The following CTNNB1 variants were observed in gnomAD, a reference collection of about 807,000 sequenced individuals.
CTNNB1 encodes the protein catenin beta 1.
CTNNB1 carries 6 observed loss-of-function variants against 82.5 expected under a neutral mutation model. The observed-to-expected ratio is 0.07, with a 90% CI of 0.04 to 0.14. CTNNB1 has a LOEUF of 0.14. Among genes scored for constraint, CTNNB1 ranks in the 10% least tolerant of loss-of-function variants. The pLI is 1.00. For synonymous variants in CTNNB1, 312 were observed against 329.7 expected (o/e 0.95, Z 0.58); for missense variants, 529 against 980.4 (o/e 0.54, Z 6.15).
intron 1 of CTNNB1, among the ~76,000 whole-genome samples, chr3:41,214,540 T>C (rs1362345994): frequency 6.6e-6 from 1 of 152,208 alleles, no homozygotes; most frequent in Non-Finnish European, 1.5e-5. Flanking sequence ...AGCTTCTTGT[T>C]TTGAAGATAC....
chr3:41,234,061 G>T, intron 9 of CTNNB1, 78 bp from the exon 10 acceptor site: 2 of 1,582,664 alleles, frequency 1.3e-6, no homozygotes, highest in Non-Finnish European at 1.7e-6. Context: ...GATACCAATA[G>T]ATTTAGTGTG....
At chr3:41,238,534 C>T (rs2078493960) in intron 14 of CTNNB1, 1 of 194,510 alleles carries the variant, frequency 5.1e-6, no homozygotes, top group Non-Finnish European at 1.1e-5. Flanking sequence ...TGGCATAGAC[C>T]ACTAACAATT....
intron 1 of CTNNB1, among the ~76,000 whole-genome samples, chr3:41,203,415 A>T (rs1223158165): frequency 6.6e-6 from 1 of 152,170 alleles, no homozygotes; most frequent in African/African-American, 2.4e-5. Flanking sequence ...TTGAGTAGGC[A>T]GTTCTGCTTA....
chr3:41,217,006 A>G (rs1289933704), intron 1 of CTNNB1, among the ~76,000 whole-genome samples: 1 of 152,152 alleles, frequency 6.6e-6, no homozygotes, highest in African/African-American at 2.4e-5. Flanking sequence ...TAGAAAGCCT[A>G]AGTCATACAT....
At chr3:41,202,142 T>C (rs894018286) in intron 1 of CTNNB1, among the ~76,000 whole-genome samples, 1 of 152,244 alleles carries the variant, frequency 6.6e-6, no homozygotes, top group Non-Finnish European at 1.5e-5. Context: ...TCTCCTGCAA[T>C]AGACTATAGA....
intron 1 of CTNNB1, among the ~76,000 whole-genome samples, chr3:41,214,596 C>T (rs2077872512): frequency 6.6e-6 from 1 of 151,986 alleles, no homozygotes; most frequent in African/African-American, 2.4e-5. Flanking sequence ...ACATATTAAC[C>T]CACTTAAAAA....
chr3:41,218,909 C>T (rs903941169), intron 1 of CTNNB1, among the ~76,000 whole-genome samples: 11 of 152,172 alleles, frequency 7.2e-5, no homozygotes, highest in African/African-American at 2.2e-4. Context: ...TTGCTGCCCC[C>T]AGGCCTCCTG....
rs2078198126 is a variant in CTNNB1, at chr3:41,227,242, T to C, written c.971T>C (p.Leu324Ser). The C allele has an allele frequency of 6.2e-7, 1 of 1,612,840 alleles. No individual in the cohort carries two copies. Among genetic ancestry groups the C allele is most frequent in the Non-Finnish European group, 8.5e-7 (1 of 1,178,838 alleles). ...CTGGCTAGTGGTGGACCCCAAGCTT[T>C]AGTAAATATAATGAGGACCTATACT... ...IILASGGPQA[L>S]VNIMRTYTYE... Residue 324 changes from leucine to serine, a missense_variant, in exon 7 of 15, where the codon TTA becomes TCA. Coordinates refer to ENST00000349496, the MANE Select transcript of CTNNB1 (RefSeq NM_001904.4).
At chr3:41,213,384 TCTG>T (rs1047634855) in intron 1 of CTNNB1, among the ~76,000 whole-genome samples, 1 of 152,200 alleles carries the variant, frequency 6.6e-6, no homozygotes, top group Non-Finnish European at 1.5e-5. Flanking sequence ...TCCTTCCACT[TCTG>T]CTGTGTAATC....
At chr3:41,199,974 T>TG (rs1232830297) in intron 1 of CTNNB1, 1 of 21,092 alleles carries the variant, frequency 4.7e-5, no homozygotes, top group Non-Finnish European at 9.4e-5. Flanking sequence ...GGGGTGGGGG[T>TG]GGGGGTCTGT....
chr3:41,211,878 C>G (rs1424375331), intron 1 of CTNNB1, among the ~76,000 whole-genome samples: 1 of 152,194 alleles, frequency 6.6e-6, no homozygotes, highest in African/African-American at 2.4e-5. Flanking sequence ...CGTTTTCCCC[C>G]TTAAATGTGT....
At chr3:41,234,026 T>G in intron 9 of CTNNB1, 113 bp from the exon 10 acceptor site, 1 of 1,472,006 alleles carries the variant, frequency 6.8e-7, no homozygotes, top group Non-Finnish European at 9.5e-7. Flanking sequence ...CTGAAATGTT[T>G]GTGTAGTCAG....
chr3:41,235,663 A>T, intron 10 of CTNNB1, 61 bp from the exon 11 acceptor site: 1 of 1,609,684 alleles, frequency 6.2e-7, no homozygotes, highest in Non-Finnish European at 8.5e-7. Context: ...CAGTCTAATA[A>T]TTGTTCCTCA....
intron 2 of CTNNB1, 40 bp from the exon 3 acceptor site, chr3:41,224,486 T>C (rs2125616416): frequency 6.5e-7 from 1 of 1,541,832 alleles, no homozygotes; most frequent in South Asian, 1.1e-5. Context: ...TAAAGTAACA[T>C]TTCCAATCTA....
chr3:41,223,248 A>G (rs1035728673), intron 1 of CTNNB1, among the ~76,000 whole-genome samples: 16 of 152,188 alleles, frequency 1.1e-4, no homozygotes, highest in Non-Finnish European at 2.1e-4. Context: ...CTAATTTGCA[A>G]GTAGTTCCCT....
At chr3:41,216,292 T>C (rs180759631) in intron 1 of CTNNB1, among the ~76,000 whole-genome samples, 48 of 152,310 alleles carry the variant, frequency 3.2e-4, no homozygotes, top group South Asian at 1.2e-3. Flanking sequence ...GTTTAGCTGA[T>C]ACCACAAGGC....
Position 41,233,700 on chromosome 3 carries a change from C to T in CTNNB1, c.1357C>T (p.Arg453Trp), listed in dbSNP as rs770598744. Reference protein sequence around the residue: ...GIEALVRTVLRAGDREDITEP... With the variant: ...GIEALVRTVLWAGDREDITEP... ...AGAGGCTCTTGTGCGTACTGTCCTT[C>T]GGGCTGGTGACAGGGAAGACATCAC... is the stretch of plus-strand genomic sequence containing the variant. The change falls in exon 9 of 15, where the codon CGG (arginine) becomes TGG (tryptophan). Residue 453 changes from arginine to tryptophan, a missense_variant. Physicochemically the swap from Arg to Trp is moderately radical, Grantham distance 101. Coordinates refer to ENST00000349496, the MANE Select transcript of CTNNB1 (RefSeq NM_001904.4). 15 of 1,613,946 alleles carry T rather than the reference C, an allele frequency of 9.3e-6. No homozygotes were observed. The highest frequency in any genetic ancestry group is 4.5e-5 in the East Asian group (2 of 44,876).
intron 1 of CTNNB1, chr3:41,221,224 C>G (rs772144901): frequency 2.0e-5 from 3 of 152,144 alleles, no homozygotes; most frequent in African/African-American, 4.8e-5. Context: ...TTATACAAAC[C>G]TAGATGGCAT....
At chr3:41,229,168 G>A (rs991794126) in intron 7 of CTNNB1, among the ~76,000 whole-genome samples, 1 of 151,994 alleles carries the variant, frequency 6.6e-6, no homozygotes, top group African/African-American at 2.4e-5. Context: ...TTTTTGCTTA[G>A]GATTGCCTTG....
Sources: allele counts gnomAD v4.1 joint callset (sites outside exome capture counted in the v4.1 genomes callset), GRCh38; gene constraint gnomAD v4.1.1; transcripts MANE v1.5; gene names NCBI Gene and HGNC (gene_info 2026-07-23, HGNC 2026-07-21).